TENM3: variants seen among roughly 807,000 people sequenced by gnomAD.
TENM3 encodes teneurin-3.
Under a neutral mutation model 255.1 loss-of-function variants are expected in TENM3, and 63 were observed. The ratio of observed to expected loss-of-function variants is 0.25; its 90% CI spans 0.20 to 0.30. TENM3 has a LOEUF of 0.30. Among genes scored for constraint, TENM3 ranks in the 10% least tolerant of loss-of-function variants. The probability of loss-of-function intolerance (pLI) is 1.00; values close to 1 mark genes in which losing one functional copy is unlikely to be tolerated. For synonymous variants in TENM3, 1,306 were observed against 1,322.3 expected, an observed-to-expected ratio of 0.99 and a Z score of 0.27; for missense variants, 2,929 against 3,461.1, an observed-to-expected ratio of 0.85 and a Z score of 3.86.
chr4:181,747,213 TAGAA>T, the TENM3 span, among the ~76,000 whole-genome samples: 62 of 152,270 alleles, frequency 4.1e-4, no homozygotes, highest in African/African-American at 1.5e-3. Context: ...ACCAAGTTAA[TAGAA>T]GGAGAAATTT....
the TENM3 span, among the ~76,000 whole-genome samples, chr4:181,911,091 G>A: frequency 2.0e-5 from 3 of 152,134 alleles, no homozygotes; most frequent in African/African-American, 7.2e-5. Flanking sequence ...CATTTTTCAT[G>A]TTTAACCCTC....
At chr4:182,753,911 A>G (rs1334315964) in intron 21 of TENM3, among the ~76,000 whole-genome samples, 2 of 152,192 alleles carry the variant, frequency 1.3e-5, no homozygotes, top group Non-Finnish European at 2.9e-5. Flanking sequence ...TGAAATCTCT[A>G]ATCTTTTGAT....
chr4:182,649,736 G>T (rs1024672705), intron 5 of TENM3, among the ~76,000 whole-genome samples: 2 of 150,146 alleles, frequency 1.3e-5, no homozygotes, highest in Non-Finnish European at 3.0e-5. Context: ...GCGTAGAATG[G>T]TGCCCAGGAC....
In TENM3 at chr4:182,414,148, C is replaced by T. The variant is rs191082975; in HGVS notation, c.511+67219C>T. ...ATTCTTGCAAATAAATTAATTTCTT[C>T]CTTTAGACAGTGGCAACTATATAAA... On this transcript the variant is annotated intron_variant, in intron 3 of 27. Transcript: ENST00000511685. Among the ~76,000 whole-genome samples the T allele has an allele frequency of 9.9e-5, 15 of 152,250 alleles. No homozygotes were observed. In the East Asian group the frequency reaches 2.9e-3, roughly 29 times the overall value.
the TENM3 span, among the ~76,000 whole-genome samples, chr4:181,767,106 G>GCC: frequency 1.4e-5 from 2 of 138,514 alleles, no homozygotes; most frequent in African/African-American, 2.7e-5. Context: ...CAAAAAATTA[G>GCC]CAGGGCGTGG....
At chr4:182,396,201 G>A (rs1038402726) in intron 3 of TENM3, among the ~76,000 whole-genome samples, 3 of 151,988 alleles carry the variant, frequency 2.0e-5, no homozygotes, top group Non-Finnish European at 2.9e-5. Context: ...TGCCTTCATC[G>A]CCTGCATTCA....
chr4:182,509,617 A>G (rs1737176267), intron 3 of TENM3, among the ~76,000 whole-genome samples: 1 of 152,160 alleles, frequency 6.6e-6, no homozygotes, highest in African/African-American at 2.4e-5. Context: ...AACAAGAAGG[A>G]TAGAATTAAA....
At chr4:181,615,772 T>A in the TENM3 span, among the ~76,000 whole-genome samples, 1 of 152,352 alleles carries the variant, frequency 6.6e-6, no homozygotes, top group Non-Finnish European at 1.5e-5. Context: ...TCGTCGTGAT[T>A]GTGCCAATAA....
chr4:181,629,475 G>T, the TENM3 span, among the ~76,000 whole-genome samples: 1 of 152,134 alleles, frequency 6.6e-6, no homozygotes, highest in African/African-American at 2.4e-5. Context: ...CTGTGGGTTT[G>T]TCATAAATAG....
intron 3 of TENM3, among the ~76,000 whole-genome samples, chr4:182,599,278 A>G (rs1388161370): frequency 6.6e-6 from 1 of 152,172 alleles, no homozygotes; most frequent in Non-Finnish European, 1.5e-5. Context: ...TGTATGTGCC[A>G]TTTCCTCAAA....
chr4:182,738,658 A>G (rs981943635), intron 18 of TENM3, 114 bp downstream of exon 18: 1 of 819,984 alleles, frequency 1.2e-6, no homozygotes, highest in Non-Finnish European at 1.8e-6. Flanking sequence ...TCCATGCTGT[A>G]GGATTAGAAA....
the TENM3 span, among the ~76,000 whole-genome samples, chr4:181,922,419 A>T: frequency 1.3e-5 from 2 of 152,094 alleles, no homozygotes; most frequent in Non-Finnish European, 2.9e-5. Context: ...AGAGCCTGTT[A>T]TTGGTCTATT....
At chr4:181,830,693 C>T in the TENM3 span, among the ~76,000 whole-genome samples, 1 of 152,136 alleles carries the variant, frequency 6.6e-6, no homozygotes, top group Non-Finnish European at 1.5e-5. Context: ...TATAAATTGC[C>T]TTGCTGTGTG....
At chr4:182,664,752 G>A (rs1561074591) in intron 6 of TENM3, among the ~76,000 whole-genome samples, 1 of 152,198 alleles carries the variant, frequency 6.6e-6, no homozygotes, top group Non-Finnish European at 1.5e-5. Flanking sequence ...TGAGTGGCCT[G>A]GATAGACGAT....
At chr4:181,548,320 C>G in the TENM3 span, among the ~76,000 whole-genome samples, 1 of 152,080 alleles carries the variant, frequency 6.6e-6, no homozygotes, top group African/African-American at 2.4e-5. Context: ...GGTATATACC[C>G]AAAGGATTAT....
At chr4:181,680,960 G>A in the TENM3 span, among the ~76,000 whole-genome samples, 2 of 152,058 alleles carry the variant, frequency 1.3e-5, no homozygotes, top group Non-Finnish European at 1.5e-5. Flanking sequence ...GCTAAAATGT[G>A]AGCTAGAAGA....
At chr4:181,796,641 C>T in the TENM3 span, among the ~76,000 whole-genome samples, 4 of 152,178 alleles carry the variant, frequency 2.6e-5, no homozygotes, top group African/African-American at 7.2e-5. Flanking sequence ...AATTAATCAG[C>T]AGGATGACAT....
At chr4:181,599,052 A>G in the TENM3 span, among the ~76,000 whole-genome samples, 3 of 152,300 alleles carry the variant, frequency 2.0e-5, no homozygotes, top group Middle Eastern at 3.4e-3. Context: ...CTCAGCAACT[A>G]TGGTTGAAAC....
the TENM3 span, among the ~76,000 whole-genome samples, chr4:181,662,959 T>A: frequency 6.6e-6 from 1 of 152,156 alleles, no homozygotes; most frequent in African/African-American, 2.4e-5. Context: ...AAAACTGCCA[T>A]AGTTTTTATA....
Sources: gnomAD v4.1 joint callset for allele counts (sites outside exome capture counted in the v4.1 genomes callset) on GRCh38, gnomAD v4.1.1 for gene constraint, MANE v1.5 for transcripts, NCBI Gene and HGNC (gene_info 2026-07-23, HGNC 2026-07-21) for gene names.